ADAM11: variants seen among roughly 807,000 people sequenced by gnomAD.
ADAM11 encodes ADAM metallopeptidase domain 11.
In ADAM11, 49 loss-of-function variants were observed where a neutral mutation model predicts 119.1. The observed-to-expected ratio is 0.41, with a 90% CI of 0.33 to 0.52. The LOEUF (loss-of-function observed/expected upper bound fraction) is 0.52. Ranked by LOEUF, ADAM11 falls within the 20% of genes least tolerant of loss-of-function variation. ADAM11 has a pLI of 0.20. For missense variants in ADAM11, 777 were observed against 1,047.5 expected (o/e 0.74, Z 3.56); for synonymous variants, 364 against 408.0 (o/e 0.89, Z 1.30).
At chr17:44,771,046 G>A (rs1185553407) in intron 4 of ADAM11, among the ~76,000 whole-genome samples, 4 of 152,080 alleles carry the variant, frequency 2.6e-5, no homozygotes, top group Non-Finnish European at 5.9e-5. Flanking sequence ...CCCGGGAGGC[G>A]GAGGTTGCAG....
Position 44,777,677 on chromosome 17 carries a change from G to A in ADAM11, c.1902-18G>A, listed in dbSNP as rs751758047. The stretch of plus-strand genomic sequence containing the variant: ...GTTAGGAGACAGGGGGCTGAGGCTG[G>A]CTGTGTCACTTCCCCAGGGGAGGCC... On this transcript the variant is annotated intron_variant, in intron 22 of 26. Coordinates refer to ENST00000200557, the MANE Select transcript of ADAM11 (RefSeq NM_002390.6). This position sits in a 1 kb window ranked among gnomAD's most constrained non-coding sequence, Gnocchi z 5.1. The A allele has an allele frequency of 2.5e-5, 41 of 1,613,202 alleles. No individual in the cohort carries two copies. Among genetic ancestry groups the A allele is most frequent in the Non-Finnish European group, 3.5e-5 (41 of 1,179,500 alleles).
chr17:44,759,440 C>A lies in ADAM11; in HGVS notation c.61+180C>A, dbSNP rs929328681. The A allele has an allele frequency of 8.8e-6, 11 of 1,247,460 alleles. No individual in the cohort carries two copies. In the African/African-American group the frequency reaches 1.7e-4, roughly 19 times the overall value. 77.3% of individuals were successfully genotyped at this position (1,247,460 alleles called of 1,614,324 possible). A position where few individuals can be genotyped will look rare whatever the true frequency, so the allele number is the denominator to read the frequency against. ...GTCCACCCACCTGTCCCCAGCTGGC[C>A]GGGCCCACCGCGTCCCTGCCCCTGC... On this transcript the variant is annotated intron_variant, in intron 1 of 26. Transcript: ENST00000200557.
At chr17:44,771,874 G>A (rs766883297) in intron 6 of ADAM11, 43 bp downstream of exon 6, 7 of 1,576,332 alleles carry the variant, frequency 4.4e-6, no homozygotes, top group Non-Finnish European at 6.1e-6. Flanking sequence ...TGGTGGCCCT[G>A]CCAAGCTTGT....
rs1358455207 is a variant in ADAM11 at position 44,776,234 on chromosome 17, A to G, written c.1566+27A>G. On this transcript the variant is annotated intron_variant, in intron 18 of 26. Transcript: ENST00000200557. This position sits in a 1 kb window ranked among gnomAD's most constrained non-coding sequence, Gnocchi z 5.2. ...TCCGCCCGGCCCCGCCGTCTTGTGGAGCCCTGGGCGAGGCAACCCCTACCC... is the reference window on the plus strand; with the variant it reads ...TCCGCCCGGCCCCGCCGTCTTGTGGGGCCCTGGGCGAGGCAACCCCTACCC... 1 of 1,611,368 alleles carries G rather than the reference A, an allele frequency of 6.2e-7. No homozygotes were observed. The highest frequency in any genetic ancestry group is 1.1e-5 in the South Asian group (1 of 90,792).
Position 44,772,831 on chromosome 17 carries a change from A to G in ADAM11, c.679-26A>G. The G allele has an allele frequency of 6.2e-7, 1 of 1,609,862 alleles. No individual in the cohort carries two copies. Among genetic ancestry groups the G allele is most frequent in the Non-Finnish European group, 8.5e-7 (1 of 1,176,934 alleles). On this transcript the variant is annotated intron_variant, in intron 8 of 26. Coordinates refer to ENST00000200557, the MANE Select transcript of ADAM11 (RefSeq NM_002390.6). The surrounding 1 kb of genome is among the most constrained non-coding windows in gnomAD (Gnocchi z 4.5). ...GATCAGTCAGACATGGAAGGGACTG[A>G]TTCCAAGTGCCCACCCACCCCCCAG...
intron 2 of ADAM11, 122 bp downstream of exon 2, chr17:44,760,019 A>G: frequency 9.7e-7 from 1 of 1,027,844 alleles, no homozygotes; most frequent in Non-Finnish European, 1.3e-6. Context: ...CCTTCTGTAC[A>G]GTGGGCTATC....
At chr17:44,771,387 G>A (rs969488088) in intron 4 of ADAM11, among the ~76,000 whole-genome samples, 197 bp from the exon 5 acceptor site, 2 of 152,094 alleles carry the variant, frequency 1.3e-5, no homozygotes, top group East Asian at 1.9e-4. Flanking sequence ...AACCCCAGAG[G>A]GCTAGGAACT....
chr17:44,768,073 T>C (rs1189786691), intron 2 of ADAM11, among the ~76,000 whole-genome samples: 1 of 152,174 alleles, frequency 6.6e-6, no homozygotes, highest in Non-Finnish European at 1.5e-5. Flanking sequence ...GGCTGCACGG[T>C]CAGAGAGCAG....
chr17:44,761,303 C>A (rs1409790440), intron 2 of ADAM11, among the ~76,000 whole-genome samples: 1 of 152,134 alleles, frequency 6.6e-6, no homozygotes, highest in Non-Finnish European at 1.5e-5. Flanking sequence ...GAGGAAAAGC[C>A]TGGAGTCAGG....
rs762823153 is a variant in ADAM11, at chr17:44,773,031, G to A, written c.771G>A (p.Gln257=). ...NDHQLFEQMR[Q]SVVLTSNFAK... ...TCTCCCAGTTCGAGCAGATGCGACAGTCGGTGGTCCTCACCAGCAACTTTG... is the reference window on the plus strand; with the variant it reads ...TCTCCCAGTTCGAGCAGATGCGACAATCGGTGGTCCTCACCAGCAACTTTG... The change falls in exon 10 of 27, where the codon CAG becomes CAA. Residue 257 remains glutamine (Q), a synonymous_variant. Coordinates refer to ENST00000200557, the MANE Select transcript of ADAM11 (RefSeq NM_002390.6). This position sits in a 1 kb window ranked among gnomAD's most constrained non-coding sequence, Gnocchi z 4.6. 1 of 1,614,062 alleles carries A rather than the reference G, an allele frequency of 6.2e-7. No homozygotes were observed.
At chr17:44,759,535 G>A in intron 1 of ADAM11, 187 bp from the exon 2 acceptor site, 1 of 1,247,676 alleles carries the variant, frequency 8.0e-7, no homozygotes, top group Non-Finnish European at 1.0e-6. Context: ...ACGGTTGGGC[G>A]GGAGTGAAGC....
rs113427463 is a variant in ADAM11, at chr17:44,775,747, G to A, written c.1485+71G>A. 2.8e-6 allele frequency: 4 copies of A among 1,441,030 alleles called. No individual in the cohort carries two copies. 89.3% of individuals were successfully genotyped at this position (1,441,030 alleles called of 1,614,324 possible). On this transcript the variant is annotated intron_variant, in intron 17 of 26. Coordinates refer to ENST00000200557, the MANE Select transcript of ADAM11 (RefSeq NM_002390.6). This position sits in a 1 kb window ranked among gnomAD's most constrained non-coding sequence, Gnocchi z 7.5. ...GATTGGAGGCCTTCATATAAGGGGT[G>A]GGAGCTAGGGAGGGAAGCGGAGCCT...
In ADAM11 at chr17:44,777,623, A is replaced by G; in HGVS notation, c.1901+22A>G. The G allele has an allele frequency of 6.2e-7, 1 of 1,613,878 alleles. No homozygotes were observed. Among genetic ancestry groups the G allele is most frequent in the Non-Finnish European group, 8.5e-7 (1 of 1,179,876 alleles). ...GCAGGTGCTGGCCAGGACCAAGACTAGGGAGGGGAGGTTGCAGCTGTGCTG... is the reference window on the plus strand; with the variant it reads ...GCAGGTGCTGGCCAGGACCAAGACTGGGGAGGGGAGGTTGCAGCTGTGCTG... On this transcript the variant is annotated intron_variant, in intron 22 of 26. Transcript: ENST00000200557. This position sits in a 1 kb window ranked among gnomAD's most constrained non-coding sequence, Gnocchi z 5.1.
In ADAM11 at chr17:44,775,190, C is replaced by T. The variant is rs1313247844; in HGVS notation, c.1221-22C>T. ...TGGGTTGGAGGGGAGCAGCCAGCAGCACCTCCCCTCGCCCTATCCAGGTTC... is the reference window on the plus strand; with the variant it reads ...TGGGTTGGAGGGGAGCAGCCAGCAGTACCTCCCCTCGCCCTATCCAGGTTC... On this transcript the variant is annotated intron_variant, in intron 14 of 26. Transcript: ENST00000200557. This position sits in a 1 kb window ranked among gnomAD's most constrained non-coding sequence, Gnocchi z 7.5. The T allele has an allele frequency of 6.3e-7, 1 of 1,596,972 alleles. No homozygotes were observed. The highest frequency in any genetic ancestry group is 8.6e-7 in the Non-Finnish European group (1 of 1,165,372).
At position 44,775,743 on chromosome 17, in the gene ADAM11, G is replaced by T; in HGVS notation, c.1485+67G>T. 1 of 1,475,148 alleles carries T rather than the reference G, an allele frequency of 6.8e-7. No homozygotes were observed. Among genetic ancestry groups the T allele is most frequent in the Non-Finnish European group, 9.1e-7 (1 of 1,096,792 alleles). The allele number at this position is 1,475,148 out of a possible 1,614,324, so 91.4% of individuals were successfully genotyped here. ...GAGCGATTGGAGGCCTTCATATAAG[G>T]GGTGGGAGCTAGGGAGGGAAGCGGA... is the stretch of plus-strand genomic sequence containing the variant. On this transcript the variant is annotated intron_variant, in intron 17 of 26. Transcript: ENST00000200557. The surrounding 1 kb of genome is among the most constrained non-coding windows in gnomAD (Gnocchi z 7.5).
Position 44,775,848 on chromosome 17 carries a change from A to C in ADAM11, c.1485+172A>C, listed in dbSNP as rs2049593829. ...GGGGAGCAAGGGGCGGGGCTGAAGG[A>C]TGTTGAAGGCGGGGCTACGAGGAGC... On this transcript the variant is annotated intron_variant, in intron 17 of 26. Coordinates refer to ENST00000200557, the MANE Select transcript of ADAM11 (RefSeq NM_002390.6). The surrounding 1 kb of genome is among the most constrained non-coding windows in gnomAD (Gnocchi z 7.5). 6.8e-6 allele frequency among the ~76,000 whole-genome samples: 1 copy of C among 146,710 alleles called. No homozygotes were observed. Among genetic ancestry groups the C allele is most frequent in the Admixed American group, 6.8e-5 (1 of 14,770 alleles).
At position 44,776,641 on chromosome 17, in the gene ADAM11, G is replaced by A. The variant is rs2049604863; in HGVS notation, c.1567-104G>A. The A allele has an allele frequency of 2.9e-6, 4 of 1,394,970 alleles. No individual in the cohort carries two copies. Among genetic ancestry groups the A allele is most frequent in the African/African-American group, 2.9e-5 (2 of 69,634 alleles). The allele number at this position is 1,394,970 out of a possible 1,614,324, so 86.4% of individuals were successfully genotyped here. A position where few individuals can be genotyped will look rare whatever the true frequency, so the allele number is the denominator to read the frequency against. Reference sequence around the variant, plus strand: ...TAGGCGTGGAAGAGCCCTGTGGCATGAGCCCCCAATGGGGGGCACTTGGTA... The same window carrying A: ...TAGGCGTGGAAGAGCCCTGTGGCATAAGCCCCCAATGGGGGGCACTTGGTA... On this transcript the variant is annotated intron_variant, in intron 18 of 26. Coordinates refer to ENST00000200557, the MANE Select transcript of ADAM11 (RefSeq NM_002390.6). This position sits in a 1 kb window ranked among gnomAD's most constrained non-coding sequence, Gnocchi z 5.2.
chr17:44,761,729 C>T (rs1442597341), intron 2 of ADAM11, among the ~76,000 whole-genome samples: 1 of 152,152 alleles, frequency 6.6e-6, no homozygotes, highest in Non-Finnish European at 1.5e-5. Context: ...CCCTGAGGTA[C>T]CAAAGCTGTG....
intron 4 of ADAM11, 51 bp from the exon 5 acceptor site, chr17:44,771,533 G>T: frequency 6.3e-7 from 1 of 1,581,700 alleles, no homozygotes; most frequent in South Asian, 1.1e-5. Flanking sequence ...GAGGCCCATT[G>T]GCTGCCCCCG....
Sources: allele counts gnomAD v4.1 joint callset (sites outside exome capture counted in the v4.1 genomes callset), GRCh38; gene constraint gnomAD v4.1.1; non-coding constraint Gnocchi (gnomAD v3.1); transcripts MANE v1.5; gene names NCBI Gene and HGNC (gene_info 2026-07-23, HGNC 2026-07-21).